Variants in RARA observed in about 807,000 individuals in gnomAD.
The protein encoded by RARA is retinoic acid receptor alpha.
In RARA, 5 loss-of-function variants were observed where a neutral mutation model predicts 42.8. The observed-to-expected ratio is 0.12, with a 90% CI of 0.06 to 0.25. The LOEUF is 0.25. Among genes scored for constraint, RARA ranks in the 10% least tolerant of loss-of-function variants. The pLI, the probability that RARA is intolerant of heterozygous loss-of-function variation, is 1.00. For synonymous variants in RARA, 256 were observed against 259.5 expected (o/e 0.99, Z 0.13); for missense variants, 402 against 628.7 (o/e 0.64, Z 3.86).
At chr17:40,317,127 C>T (rs1228097427) in intron 1 of RARA, among the ~76,000 whole-genome samples, 2 of 152,236 alleles carry the variant, frequency 1.3e-5, no homozygotes, top group African/African-American at 4.8e-5. Context: ...AAGCGGGGTC[C>T]GTCGGACCAG....
chr17:40,341,306 CG>C, intron 2 of RARA: 1 of 1,381,386 alleles, frequency 7.2e-7, no homozygotes, highest in Admixed American at 3.5e-5. Flanking sequence ...GCACGCAGAG[CG>C]TGGGGAGGAG....
chr17:40,313,559 C>T (rs570510211), intron 1 of RARA, among the ~76,000 whole-genome samples: 28 of 152,274 alleles, frequency 1.8e-4, no homozygotes, highest in African/African-American at 5.8e-4. Context: ...TTGTTCAAGG[C>T]CCTGCCTGTG....
chr17:40,356,542 A>C lies in RARA; in HGVS notation c.*316A>C, dbSNP rs1159125240. ...ATCAAGACACCCCTCTGCCCAGCTC[A>C]CCACATCTTCATCACCAGCAAACGC... On this transcript the variant is annotated 3_prime_UTR_variant, in exon 9 of 9. Coordinates refer to ENST00000254066, the MANE Select transcript of RARA (RefSeq NM_000964.4). 1.6e-6 allele frequency: 1 copy of C among 612,588 alleles called. No homozygotes were observed. The highest frequency in any genetic ancestry group is 1.8e-5 in the African/African-American group (1 of 55,926). The allele number at this position is 612,588 out of a possible 1,614,324, so 37.9% of individuals were successfully genotyped here. A position where few individuals can be genotyped will look rare whatever the true frequency, so the allele number is the denominator to read the frequency against.
Position 40,331,277 on chromosome 17 carries a change from C to T in RARA, c.59C>T (p.Pro20Leu), listed in dbSNP as rs773378786. Residue 20 changes from proline to leucine, a missense_variant, in exon 2 of 9, where the codon CCG becomes CTG. By Grantham distance (98) the Pro-to-Leu change is moderately conservative. Coordinates refer to ENST00000254066, the MANE Select transcript of RARA (RefSeq NM_000964.4). ...GGGGGCGGGCACCTCAATGGGTACCCGGTGCCTCCCTACGCCTTCTTCTTC... is the reference window on the plus strand; with the variant it reads ...GGGGGCGGGCACCTCAATGGGTACCTGGTGCCTCCCTACGCCTTCTTCTTC... ...TPGGGHLNGY[P>L]VPPYAFFFPP... 6 of 1,613,874 alleles carry T rather than the reference C, an allele frequency of 3.7e-6. No individual in the cohort carries two copies. Among genetic ancestry groups the T allele is most frequent in the East Asian group, 2.2e-5 (1 of 44,856 alleles).
In RARA at chr17:40,352,462, C is replaced by T. The variant is rs753171450; in HGVS notation, c.762C>T (p.Ile254=). 30 of 1,613,634 alleles carry T rather than the reference C, an allele frequency of 1.9e-5. No homozygotes were observed. The highest frequency in any genetic ancestry group is 1.6e-4 in the East Asian group (7 of 44,884). The change falls in exon 6 of 9, where the codon ATC becomes ATT. Residue 254 remains isoleucine, a synonymous_variant. Transcript: ENST00000254066. The surrounding 1 kb of genome is among the most constrained non-coding windows in gnomAD (Gnocchi z 4.9). The part of the protein sequence containing the change: ...KQLPGFTTLT[I]ADQITLLKAA... ...TGCCCGGCTTCACCACCCTCACCAT[C>T]GCCGACCAGATCACCCTCCTCAAGG...
At chr17:40,309,390 C>T (rs2033053331) in intron 1 of RARA, 104 bp downstream of exon 1, 1 of 152,586 alleles carries the variant, frequency 6.6e-6, no homozygotes, top group Non-Finnish European at 1.5e-5. Context: ...TTTCCCCATC[C>T]CTCCTCTCCC....
chr17:40,354,589 A>T lies in RARA; in HGVS notation c.1012+83A>T. 6.8e-7 allele frequency: 1 copy of T among 1,477,020 alleles called. No individual in the cohort carries two copies. Among genetic ancestry groups the T allele is most frequent in the Non-Finnish European group, 9.2e-7 (1 of 1,086,774 alleles). 91.5% of individuals were successfully genotyped at this position (1,477,020 alleles called of 1,614,324 possible). On this transcript the variant is annotated intron_variant, in intron 7 of 8. Coordinates refer to ENST00000254066, the MANE Select transcript of RARA (RefSeq NM_000964.4). This position sits in a 1 kb window ranked among gnomAD's most constrained non-coding sequence, Gnocchi z 4.5. ...CTCTTCCAGGGAGCTCTTTCAGGCCACCTCTGTTAGGTATCTCTAGAGGGC... is the reference window on the plus strand; with the variant it reads ...CTCTTCCAGGGAGCTCTTTCAGGCCTCCTCTGTTAGGTATCTCTAGAGGGC...
rs2034621358 is a variant in RARA, at chr17:40,356,178, C to T, written c.1341C>T (p.Ser447=). ...CCCCGCCAGGCAGCTGTAGCCCCAGCCTCAGCCCCAGCTCCAACAGAAGCA... is the reference window on the plus strand; with the variant it reads ...CCCCGCCAGGCAGCTGTAGCCCCAGTCTCAGCCCCAGCTCCAACAGAAGCA... ...LAPPPGSCSP[S]LSPSSNRSSP... The change falls in exon 9 of 9, where the codon AGC becomes AGT. Residue 447 remains serine, a synonymous_variant. Coordinates refer to ENST00000254066, the MANE Select transcript of RARA (RefSeq NM_000964.4). 1.3e-6 allele frequency: 2 copies of T among 1,550,968 alleles called. No homozygotes were observed. Among genetic ancestry groups the T allele is most frequent in the Non-Finnish European group, 1.7e-6 (2 of 1,147,374 alleles).
intron 1 of RARA, among the ~76,000 whole-genome samples, chr17:40,316,000 G>A (rs528896990): frequency 6.6e-6 from 1 of 152,298 alleles, no homozygotes; most frequent in Admixed American, 6.5e-5. Flanking sequence ...AGGGGGTGGT[G>A]GAAGCCCTGT....
chr17:40,313,758 T>C (rs929820828), intron 1 of RARA, among the ~76,000 whole-genome samples: 1 of 152,070 alleles, frequency 6.6e-6, no homozygotes, highest in Admixed American at 6.5e-5. Context: ...GCACCACCAA[T>C]TGTGGTTCAG....
chr17:40,309,321 C>T (rs887598886), intron 1 of RARA, 35 bp downstream of exon 1: 5 of 152,638 alleles, frequency 3.3e-5, no homozygotes, highest in Non-Finnish European at 7.3e-5. Context: ...AATTCTTTGG[C>T]CGCCTTTGAC....
At chr17:40,318,214 C>T (rs1029067011) in intron 1 of RARA, 3 of 152,266 alleles carry the variant, frequency 2.0e-5, no homozygotes, top group Admixed American at 6.5e-5. Flanking sequence ...AGGGCCTCCC[C>T]CTACCTCTGC....
At chr17:40,343,638 T>G (rs1567758144) in intron 2 of RARA, among the ~76,000 whole-genome samples, 3 of 152,172 alleles carry the variant, frequency 2.0e-5, no homozygotes, top group African/African-American at 7.2e-5. Context: ...TTTGTTTTTG[T>G]GGGTCTGGGG....
At chr17:40,331,755 A>G (rs1270438505) in intron 2 of RARA, among the ~76,000 whole-genome samples, 1 of 152,132 alleles carries the variant, frequency 6.6e-6, no homozygotes, top group Non-Finnish European at 1.5e-5. Flanking sequence ...TTGACATTTG[A>G]TGGAAATGGC....
intron 2 of RARA, chr17:40,341,041 C>T (rs2034015967): frequency 5.0e-6 from 2 of 400,480 alleles, no homozygotes; most frequent in Non-Finnish European, 8.8e-6. Flanking sequence ...GTAGCATGTA[C>T]ATTTCCATCC....
At chr17:40,348,100 C>G (rs567757339) in intron 2 of RARA, 57 of 456,810 alleles carry the variant, frequency 1.2e-4, no homozygotes, top group African/African-American at 9.9e-4. Context: ...GGTGGGGGTC[C>G]TAGGAGTCCA....
chr17:40,336,640 G>A (rs1207399234), intron 2 of RARA, among the ~76,000 whole-genome samples: 2 of 151,810 alleles, frequency 1.3e-5, no homozygotes, highest in Admixed American at 6.6e-5. Flanking sequence ...CGCCTGCCTC[G>A]GCCTCCCAAA....
At chr17:40,312,706 T>C (rs913630935) in intron 1 of RARA, among the ~76,000 whole-genome samples, 2 of 151,508 alleles carry the variant, frequency 1.3e-5, no homozygotes, top group African/African-American at 4.9e-5. Flanking sequence ...GGTGGAAGAG[T>C]CCTGGCACCC....
At chr17:40,331,798 T>G (rs556805749) in intron 2 of RARA, among the ~76,000 whole-genome samples, 1 of 152,262 alleles carries the variant, frequency 6.6e-6, no homozygotes, top group South Asian at 2.1e-4. Flanking sequence ...GCACACCACC[T>G]ACGCCCCACC....
Sources: allele counts gnomAD v4.1 joint callset (sites outside exome capture counted in the v4.1 genomes callset), GRCh38; gene constraint gnomAD v4.1.1; non-coding constraint Gnocchi (gnomAD v3.1); transcripts MANE v1.5; gene names NCBI Gene and HGNC (gene_info 2026-07-23, HGNC 2026-07-21).